ROBO2: variants seen among roughly 807,000 people sequenced by gnomAD.
ROBO2 encodes the protein roundabout guidance receptor 2.
Under a neutral mutation model 160.8 loss-of-function variants are expected in ROBO2, and 53 were observed. The observed-to-expected ratio is 0.33, with a 90% CI of 0.26 to 0.41. The LOEUF is 0.41. Among genes scored for constraint, ROBO2 ranks in the 10% least tolerant of loss-of-function variants. The pLI is 1.00. For missense variants in ROBO2, 1,577 were observed against 1,722.4 expected, an observed-to-expected ratio of 0.92 and a Z score of 1.49; for synonymous variants, 664 against 611.7, an observed-to-expected ratio of 1.09 and a Z score of -1.26.
At chr3:77,073,308 A>T (rs1227907656) in intron 1 of ROBO2, among the ~76,000 whole-genome samples, 1 of 152,210 alleles carries the variant, frequency 6.6e-6, no homozygotes, top group East Asian at 1.9e-4. Context: ...ATAAGAAATG[A>T]GCAGAGTGAG....
chr3:77,323,784 A>G (rs978954520), intron 2 of ROBO2, among the ~76,000 whole-genome samples: 1 of 152,160 alleles, frequency 6.6e-6, no homozygotes, highest in African/African-American at 2.4e-5. Flanking sequence ...AAGCTTTGAA[A>G]GGCTCATGTG....
intron 2 of ROBO2, among the ~76,000 whole-genome samples, chr3:77,146,585 C>G (rs1405538375): frequency 1.3e-5 from 2 of 152,000 alleles, no homozygotes; most frequent in Non-Finnish European, 2.9e-5. Flanking sequence ...GTTACCTTTC[C>G]TTGATCTCTT....
chr3:76,398,238 C>G (rs960419171), intron 2 of ROBO2, among the ~76,000 whole-genome samples: 3 of 150,910 alleles, frequency 2.0e-5, no homozygotes, highest in African/African-American at 7.3e-5. Context: ...AAAAACCAAA[C>G]ACTGCATGTT....
At chr3:77,550,780 G>A (rs1302439347) in intron 7 of ROBO2, 38 bp from the exon 9 acceptor site, 26 of 1,609,294 alleles carry the variant, frequency 1.6e-5, no homozygotes, top group Non-Finnish European at 2.2e-5. Context: ...TTTTTAAGTG[G>A]AAAATGAATA....
chr3:77,375,264 T>A (rs1409369206), intron 2 of ROBO2, among the ~76,000 whole-genome samples: 3 of 152,234 alleles, frequency 2.0e-5, no homozygotes, highest in African/African-American at 7.2e-5. Context: ...CTCTTGTCAT[T>A]GATTTAGAAA....
chr3:76,123,536 T>C (rs1413937651), intron 2 of ROBO2, among the ~76,000 whole-genome samples: 1 of 152,132 alleles, frequency 6.6e-6, no homozygotes, highest in Non-Finnish European at 1.5e-5. Flanking sequence ...AACAAACTGG[T>C]TAACTGGTTT....
intron 2 of ROBO2, among the ~76,000 whole-genome samples, chr3:76,136,970 A>G (rs2071450668): frequency 6.6e-6 from 1 of 152,032 alleles, no homozygotes; most frequent in Non-Finnish European, 1.5e-5. Flanking sequence ...ATCATAGGAA[A>G]GAGGTGGAGT....
intron 6 of ROBO2, among the ~76,000 whole-genome samples, chr3:77,539,479 C>T (rs910179885): frequency 3.3e-5 from 5 of 151,892 alleles, no homozygotes; most frequent in Non-Finnish European, 5.9e-5. Context: ...ACTATATTTA[C>T]TACTGCAATA....
intron 22 of ROBO2, among the ~76,000 whole-genome samples, chr3:77,620,015 T>TCTTGA (rs2094867949): frequency 5.9e-5 from 9 of 152,344 alleles, no homozygotes; most frequent in Admixed American, 5.9e-4. Context: ...AGTGTCCCAC[T>TCTTGA]TAGTAAATGC....
In ROBO2 at chr3:77,406,986, T is replaced by C. The variant is rs1366264582; in HGVS notation, c.389-70428T>C. Reference sequence around the variant, plus strand: ...CAGGAGAAATGTTTAACGTTTTTAATAGCTGTAACTCTTTTTATATATAGA... The same window carrying C: ...CAGGAGAAATGTTTAACGTTTTTAACAGCTGTAACTCTTTTTATATATAGA... On this transcript the variant is annotated intron_variant, in intron 2 of 25. Coordinates refer to ENST00000461745, the Ensembl canonical transcript of ROBO2. Among the ~76,000 whole-genome samples the C allele has an allele frequency of 2.0e-5, 3 of 152,186 alleles. 1 individual carries two copies. The highest frequency in any genetic ancestry group is 7.2e-5 in the African/African-American group (3 of 41,454).
At chr3:77,546,265 A>G (rs543273776) in intron 6 of ROBO2, 73 bp from the exon 8 acceptor site, 2 of 1,529,214 alleles carry the variant, frequency 1.3e-6, no homozygotes, top group Admixed American at 1.7e-5. Flanking sequence ...ACATAGTACC[A>G]TATTTTCTCC....
At chr3:76,164,088 T>C (rs561898197) in intron 2 of ROBO2, among the ~76,000 whole-genome samples, 1 of 152,322 alleles carries the variant, frequency 6.6e-6, no homozygotes, top group African/African-American at 2.4e-5. Context: ...AATTCTCTGT[T>C]GTCATTTCAA....
chr3:76,589,205 C>T (rs979848139), intron 2 of ROBO2, among the ~76,000 whole-genome samples: 3 of 152,140 alleles, frequency 2.0e-5, no homozygotes, highest in Non-Finnish European at 2.9e-5. Flanking sequence ...ATCAAAACAT[C>T]GCTCTGTATA....
chr3:76,716,893 G>A (rs1263195947), intron 2 of ROBO2, among the ~76,000 whole-genome samples: 1 of 152,174 alleles, frequency 6.6e-6, no homozygotes, highest in South Asian at 2.1e-4. Flanking sequence ...TCCTGTTTAA[G>A]TCATGTCTAC....
At chr3:75,926,397 T>A (rs1392099742) in intron 1 of ROBO2, among the ~76,000 whole-genome samples, 2 of 152,186 alleles carry the variant, frequency 1.3e-5, no homozygotes, top group African/African-American at 4.8e-5. Flanking sequence ...ATAGCAAATA[T>A]TACCCCCACA....
At chr3:75,911,627 G>T (rs1195908550) in intron 1 of ROBO2, among the ~76,000 whole-genome samples, 3 of 130,196 alleles carry the variant, frequency 2.3e-5, no homozygotes, top group African/African-American at 8.9e-5. Flanking sequence ...GCGCGATCTC[G>T]ACTCACTGCA....
intron 2 of ROBO2, among the ~76,000 whole-genome samples, chr3:76,631,645 T>A (rs2090037734): frequency 1.1e-5 from 1 of 91,328 alleles, no homozygotes; most frequent in South Asian, 3.1e-4. Context: ...AAAAAGAAAA[T>A]GGAAAAAATC....
intron 2 of ROBO2, among the ~76,000 whole-genome samples, chr3:76,023,456 T>C (rs2107672621): frequency 6.6e-6 from 1 of 151,748 alleles, no homozygotes; most frequent in African/African-American, 2.4e-5. Flanking sequence ...TATTAATTGG[T>C]TTAATTTTAA....
chr3:77,260,564 G>A (rs534872886), intron 2 of ROBO2, among the ~76,000 whole-genome samples: 5 of 152,238 alleles, frequency 3.3e-5, no homozygotes, highest in East Asian at 1.9e-4. Context: ...TGAGGAACCC[G>A]TCATTCTAAA....
Sources: gnomAD v4.1 joint callset for allele counts (sites outside exome capture counted in the v4.1 genomes callset) on GRCh38, gnomAD v4.1.1 for gene constraint, MANE v1.5 for transcripts, NCBI Gene and HGNC (gene_info 2026-07-23, HGNC 2026-07-21) for gene names.